Variants in JAM2 observed in about 807,000 individuals in gnomAD.
The protein encoded by JAM2 is junctional adhesion molecule B.
JAM2 carries 17 observed loss-of-function variants against 42.0 expected under a neutral mutation model. That is an observed-to-expected ratio of 0.40 (90% CI 0.28 to 0.61). The LOEUF (loss-of-function observed/expected upper bound fraction) is 0.61. Ranked by LOEUF, JAM2 falls within the 20% of genes least tolerant of loss-of-function variation. JAM2 has a pLI of 0.37. For synonymous variants in JAM2, 118 were observed against 128.6 expected, an observed-to-expected ratio of 0.92 and a Z score of 0.56; for missense variants, 319 against 358.3, an observed-to-expected ratio of 0.89 and a Z score of 0.89.
intron 1 of JAM2, among the ~76,000 whole-genome samples, chr21:25,681,387 A>G (rs1233050921): frequency 6.6e-6 from 1 of 152,160 alleles, no homozygotes; most frequent in Non-Finnish European, 1.5e-5. Context: ...GGGGAAGCAA[A>G]TACATCCTTT....
At chr21:25,684,653 A>C (rs987608464) in intron 2 of JAM2, among the ~76,000 whole-genome samples, 1 of 152,080 alleles carries the variant, frequency 6.6e-6, no homozygotes, top group South Asian at 2.1e-4. Context: ...CCCACACTGG[A>C]GTGCAGTGTG....
chr21:25,692,589 C>T (rs1208749660), intron 3 of JAM2: 1 of 152,524 alleles, frequency 6.6e-6, no homozygotes, highest in African/African-American at 2.4e-5. Context: ...CTAAATTTTA[C>T]CTATTTTATA....
At chr21:25,670,837 T>C (rs1189416867) in intron 1 of JAM2, among the ~76,000 whole-genome samples, 1 of 152,200 alleles carries the variant, frequency 6.6e-6, no homozygotes. Flanking sequence ...TGCCAAACCA[T>C]TGTTTCCATG....
intron 1 of JAM2, 123 bp from the exon 2 acceptor site, chr21:25,683,760 T>A: frequency 1.5e-6 from 1 of 657,346 alleles, no homozygotes; most frequent in Non-Finnish European, 2.7e-6. Flanking sequence ...AACTATGTGT[T>A]ATGAATTGGG....
chr21:25,646,177 C>G (rs1187620898), intron 1 of JAM2, among the ~76,000 whole-genome samples: 1 of 152,052 alleles, frequency 6.6e-6, no homozygotes, highest in African/African-American at 2.4e-5. Flanking sequence ...TCTGTGGGAC[C>G]ACTGATATGG....
chr21:25,702,132 T>C (rs1349136192), intron 5 of JAM2, 38 bp from the exon 6 acceptor site: 4 of 1,156,610 alleles, frequency 3.5e-6, no homozygotes, highest in African/African-American at 1.5e-5. Flanking sequence ...CTTATAGATC[T>C]ATGGCTTAAA....
intron 1 of JAM2, among the ~76,000 whole-genome samples, chr21:25,660,818 A>G (rs1286085486): frequency 2.6e-5 from 2 of 75,908 alleles, no homozygotes; most frequent in Non-Finnish European, 4.5e-5. Flanking sequence ...TTTTTGAGAC[A>G]GAGTCTCACC....
intron 1 of JAM2, among the ~76,000 whole-genome samples, chr21:25,646,574 A>AAG (rs535490881): frequency 1.8e-4 from 25 of 137,670 alleles, no homozygotes; most frequent in Non-Finnish European, 3.5e-4. Context: ...TGTGGGGGGA[A>AAG]AGAGAGAGAG....
At chr21:25,702,447 A>AAG (rs1232779096) in intron 6 of JAM2, among the ~76,000 whole-genome samples, 178 bp downstream of exon 6, 1 of 152,220 alleles carries the variant, frequency 6.6e-6, no homozygotes, top group African/African-American at 2.4e-5. Context: ...TGCTGTTTTT[A>AAG]AGCCATCTCC....
intron 1 of JAM2, among the ~76,000 whole-genome samples, chr21:25,675,580 G>A (rs1020705785): frequency 1.4e-5 from 2 of 139,200 alleles, no homozygotes; most frequent in African/African-American, 5.2e-5. Context: ...GGGAAGGAAG[G>A]AAGGAAGGAA....
chr21:25,680,259 G>A (rs147965050), intron 1 of JAM2, among the ~76,000 whole-genome samples: 223 of 152,330 alleles, frequency 1.5e-3, no homozygotes, highest in African/African-American at 5.1e-3. Flanking sequence ...GACTTTTGAT[G>A]TGGAAAGGCA....
chr21:25,700,404 C>T lies in JAM2; in HGVS notation c.597+1525C>T, dbSNP rs887539945. 1.2e-4 allele frequency among the ~76,000 whole-genome samples: 19 copies of T among 152,210 alleles called. No individual in the cohort carries two copies. The East Asian group carries it at 2.1e-3, about 17-fold the overall frequency. The stretch of plus-strand genomic sequence containing the variant: ...GAGACAGAGTCTTGCTCTATTGCCC[C>T]GGCTGGAGTGCATTGACGCAGTCTT... On this transcript the variant is annotated intron_variant, in intron 5 of 9. Coordinates refer to ENST00000480456, the MANE Select transcript of JAM2 (RefSeq NM_021219.4).
chr21:25,697,605 A>G (rs1490973812), intron 4 of JAM2, among the ~76,000 whole-genome samples: 7 of 152,286 alleles, frequency 4.6e-5, no homozygotes, highest in Admixed American at 2.6e-4. Context: ...GGGCCTGAAA[A>G]AAATACTCAG....
chr21:25,652,541 C>T (rs924755492), intron 1 of JAM2, among the ~76,000 whole-genome samples: 3 of 152,046 alleles, frequency 2.0e-5, no homozygotes, highest in African/African-American at 7.2e-5. Flanking sequence ...AAAATAGCTA[C>T]AAATATGTTT....
chr21:25,639,787 A>ACCT lies in JAM2; in HGVS notation c.-30_-28dup, dbSNP rs1374782934. 2 of 1,506,044 alleles carry ACCT rather than the reference A, an allele frequency of 1.3e-6. No individual in the cohort carries two copies. Among genetic ancestry groups the ACCT allele is most frequent in the Non-Finnish European group, 1.8e-6 (2 of 1,116,488 alleles). 93.3% of individuals were successfully genotyped at this position (1,506,044 alleles called of 1,614,324 possible). On this transcript the variant is annotated 5_prime_UTR_variant, in exon 1 of 10. Coordinates refer to ENST00000480456, the MANE Select transcript of JAM2 (RefSeq NM_021219.4). ...TGCGCTCCTGCCGCCGGGACCCTCG[A>ACCT]CCTCCTCAGAGCAGCCGGCTGCCGC... is the stretch of plus-strand genomic sequence containing the variant.
At chr21:25,694,192 C>T (rs1216628620) in intron 4 of JAM2, among the ~76,000 whole-genome samples, 1 of 152,132 alleles carries the variant, frequency 6.6e-6, no homozygotes, top group African/African-American at 2.4e-5. Flanking sequence ...GAGTATCTTT[C>T]CTGAGAGTTT....
chr21:25,708,287 G>C (rs983135158), intron 7 of JAM2, among the ~76,000 whole-genome samples: 2 of 152,092 alleles, frequency 1.3e-5, no homozygotes, highest in African/African-American at 2.4e-5. Flanking sequence ...AGAATAACTG[G>C]GCTGGGTGTG....
At chr21:25,644,127 C>G (rs918185276) in intron 1 of JAM2, 3 of 152,220 alleles carry the variant, frequency 2.0e-5, no homozygotes, top group African/African-American at 7.2e-5. Context: ...GAACCTGGGT[C>G]AGGTGCCTCC....
intron 7 of JAM2, among the ~76,000 whole-genome samples, chr21:25,707,473 C>T (rs917658975): frequency 6.6e-6 from 1 of 152,048 alleles, no homozygotes; most frequent in Non-Finnish European, 1.5e-5. Context: ...CAGAGCAAGA[C>T]TCCATCTCAA....
Sources: gnomAD v4.1 joint callset for allele counts (sites outside exome capture counted in the v4.1 genomes callset) on GRCh38, gnomAD v4.1.1 for gene constraint, MANE v1.5 for transcripts, NCBI Gene and HGNC (gene_info 2026-07-23, HGNC 2026-07-21) for gene names.